Variants in PLCB1 observed in about 807,000 individuals in gnomAD.
The protein encoded by PLCB1 is 1-phosphatidylinositol 4,5-bisphosphate phosphodiesterase beta-1.
A neutral mutation model predicts 161.8 loss-of-function variants in PLCB1; 46 were observed. The observed-to-expected ratio is 0.28, with a 90% confidence interval of 0.22 to 0.36. PLCB1 has a LOEUF of 0.36. Among genes scored for constraint, PLCB1 ranks in the 10% least tolerant of loss-of-function variants. PLCB1 has a pLI of 1.00. For synonymous variants in PLCB1, 517 were observed against 503.7 expected (o/e 1.03, Z -0.35); for missense variants, 1,016 against 1,472.5 (o/e 0.69, Z 5.07).
At chr20:8,167,738 T>G (rs1382064330) in intron 2 of PLCB1, among the ~76,000 whole-genome samples, 2 of 152,250 alleles carry the variant, frequency 1.3e-5, no homozygotes, top group Non-Finnish European at 2.9e-5. Flanking sequence ...TTCTTTAATA[T>G]TCTGATGTAC....
At chr20:8,546,222 G>A (rs1985538645) in intron 3 of PLCB1, among the ~76,000 whole-genome samples, 1 of 149,544 alleles carries the variant, frequency 6.7e-6, no homozygotes, top group South Asian at 2.2e-4. Context: ...GCTGAGGCAG[G>A]AGAATTGCTT....
chr20:8,565,805 A>G (rs1425442005), intron 3 of PLCB1, among the ~76,000 whole-genome samples: 1 of 152,076 alleles, frequency 6.6e-6, no homozygotes, highest in Non-Finnish European at 1.5e-5. Context: ...TTCCTCCTTC[A>G]TGATACCTGC....
chr20:8,644,208 G>C (rs1288423266), intron 4 of PLCB1, among the ~76,000 whole-genome samples: 2 of 152,022 alleles, frequency 1.3e-5, no homozygotes, highest in African/African-American at 4.8e-5. Flanking sequence ...GCCTCTGCCC[G>C]GCCACCACCC....
At chr20:8,211,850 C>T (rs965724335) in intron 2 of PLCB1, among the ~76,000 whole-genome samples, 1 of 152,040 alleles carries the variant, frequency 6.6e-6, no homozygotes, top group African/African-American at 2.4e-5. Context: ...ATCTATAAAT[C>T]TTTCCTGGGT....
chr20:8,197,234 G>C (rs1408151023), intron 2 of PLCB1, among the ~76,000 whole-genome samples: 1 of 152,124 alleles, frequency 6.6e-6, no homozygotes, highest in Admixed American at 6.5e-5. Context: ...GATCCCTGAG[G>C]AATCGCCACA....
At chr20:8,729,920 A>G (rs1175246556) in intron 18 of PLCB1, 2 of 151,934 alleles carry the variant, frequency 1.3e-5, no homozygotes, top group African/African-American at 4.8e-5. Flanking sequence ...TTATCGTTAA[A>G]TAATAATAAT....
intron 7 of PLCB1, among the ~76,000 whole-genome samples, chr20:8,656,591 G>T (rs1568548742): frequency 6.6e-6 from 1 of 151,734 alleles, no homozygotes. Context: ...TAAACAATAG[G>T]ACCAGGAGCA....
At chr20:8,332,581 A>G (rs1985406532) in intron 2 of PLCB1, among the ~76,000 whole-genome samples, 1 of 152,244 alleles carries the variant, frequency 6.6e-6, no homozygotes, top group African/African-American at 2.4e-5. Context: ...TCCCTAGATG[A>G]GAAAATGGAG....
At chr20:8,612,235 T>C (rs1015930732) in intron 3 of PLCB1, among the ~76,000 whole-genome samples, 7 of 152,088 alleles carry the variant, frequency 4.6e-5, no homozygotes, top group African/African-American at 1.7e-4. Context: ...AAAACACAAA[T>C]GAAAAAGTAT....
intron 2 of PLCB1, among the ~76,000 whole-genome samples, chr20:8,297,465 A>T (rs969722167): frequency 2.0e-5 from 3 of 152,178 alleles, no homozygotes; most frequent in African/African-American, 7.2e-5. Context: ...GTCAATACAA[A>T]AGTAGTATAT....
chr20:8,315,831 G>A (rs1984621591), intron 2 of PLCB1, among the ~76,000 whole-genome samples: 1 of 152,124 alleles, frequency 6.6e-6, no homozygotes, highest in South Asian at 2.1e-4. Context: ...CAGATGCTGA[G>A]GGCAAAGGGC....
At chr20:8,364,716 C>T (rs1217566002) in intron 2 of PLCB1, among the ~76,000 whole-genome samples, 1 of 152,162 alleles carries the variant, frequency 6.6e-6, no homozygotes. Context: ...GTCTTTTTGT[C>T]GAGGGATTCA....
intron 2 of PLCB1, among the ~76,000 whole-genome samples, chr20:8,188,180 T>C (rs1331104407): frequency 6.6e-6 from 1 of 152,150 alleles, no homozygotes; most frequent in East Asian, 1.9e-4. Context: ...AGCAGCCATG[T>C]GAAGAAGCTT....
At chr20:8,257,026 A>G (rs573451298) in intron 2 of PLCB1, 1 of 152,314 alleles carries the variant, frequency 6.6e-6, no homozygotes, top group Non-Finnish European at 1.5e-5. Flanking sequence ...CTGTAAATCA[A>G]ACCAAATTTT....
rs116360616 is a variant in PLCB1, at chr20:8,165,032, C to T, written c.177+14661C>T. Reference sequence around the variant, plus strand: ...CATAAACTTGAAAGAGAAATAAAAGCGGGAATAGAATGTGTTAACTCTGTC... The same window carrying T: ...CATAAACTTGAAAGAGAAATAAAAGTGGGAATAGAATGTGTTAACTCTGTC... On this transcript the variant is annotated intron_variant, in intron 2 of 31. Transcript: ENST00000338037. Among the ~76,000 whole-genome samples, 427 of 152,170 alleles carry T rather than the reference C, an allele frequency of 2.8e-3. 1 individual carries two copies. The highest frequency in any genetic ancestry group is 9.2e-3 in the African/African-American group (383 of 41,550).
intron 4 of PLCB1, among the ~76,000 whole-genome samples, chr20:8,635,703 G>C (rs1373145357): frequency 1.3e-5 from 2 of 152,178 alleles, no homozygotes; most frequent in African/African-American, 4.8e-5. Flanking sequence ...GGAAATGAGA[G>C]AAGATGTCAC....
At chr20:8,179,918 G>T (rs1389483215) in intron 2 of PLCB1, among the ~76,000 whole-genome samples, 4 of 134,372 alleles carry the variant, frequency 3.0e-5, no homozygotes, top group South Asian at 2.5e-4. Context: ...GAGTGCAGTG[G>T]CGGGATCTCG....
At position 8,757,124 on chromosome 20, in the gene PLCB1, A is replaced by G. The variant is rs756597309; in HGVS notation, c.2602A>G (p.Thr868Ala). ...TPAENGVNHT[T>A]TLTPKPPSQA... is the part of the protein sequence containing the mutation. ...AGCAGAAAATGGGGTGAATCACACTACAACCCTGACACCCAAGCCACCCTC... is the reference window on the plus strand; with the variant it reads ...AGCAGAAAATGGGGTGAATCACACTGCAACCCTGACACCCAAGCCACCCTC... The change falls in exon 24 of 32, where the codon ACA becomes GCA. Residue 868 changes from threonine to alanine, a missense_variant. By Grantham distance (58) the Thr-to-Ala change is moderately conservative (BLOSUM62 0). Coordinates refer to ENST00000338037, the MANE Select transcript of PLCB1 (RefSeq NM_015192.4). 3.7e-6 allele frequency: 6 copies of G among 1,613,556 alleles called. No individual in the cohort carries two copies. The highest frequency in any genetic ancestry group is 1.7e-5 in the Admixed American group (1 of 60,006).
At chr20:8,304,840 G>A (rs1984063704) in intron 2 of PLCB1, among the ~76,000 whole-genome samples, 1 of 152,076 alleles carries the variant, frequency 6.6e-6, no homozygotes, top group Non-Finnish European at 1.5e-5. Context: ...GAGAGATTAA[G>A]AAACTTGCTC....
Sources: gnomAD v4.1 joint callset for allele counts (sites outside exome capture counted in the v4.1 genomes callset) on GRCh38, gnomAD v4.1.1 for gene constraint, MANE v1.5 for transcripts, NCBI Gene and HGNC (gene_info 2026-07-23, HGNC 2026-07-21) for gene names.